Variants in RARB observed in about 807,000 individuals in gnomAD.
RARB encodes the protein HBV-activated protein.
A neutral mutation model predicts 51.9 loss-of-function variants in RARB; 17 were observed. The ratio of observed to expected loss-of-function variants is 0.33; its 90% confidence interval spans 0.22 to 0.49. The LOEUF is 0.49. RARB is among the 20% of genes least tolerant of loss of function. RARB has a pLI of 0.99. For synonymous variants in RARB, 215 were observed against 195.4 expected (o/e 1.10, Z -0.84); for missense variants, 369 against 550.8 (o/e 0.67, Z 3.30).
chr3:25,302,041 G>C (rs538257657), intron 5 of RARB, among the ~76,000 whole-genome samples: 1 of 152,282 alleles, frequency 6.6e-6, no homozygotes, highest in East Asian at 1.9e-4. Flanking sequence ...TTAATGCCAA[G>C]AAGAATAAAT....
At chr3:25,080,888 A>G (rs930902364) in intron 3 of RARB, among the ~76,000 whole-genome samples, 4 of 152,126 alleles carry the variant, frequency 2.6e-5, no homozygotes, top group African/African-American at 9.6e-5. Context: ...ATGAAATCCA[A>G]TATACCTATT....
Position 25,315,149 on chromosome 3 carries a change from C to T in RARB, c.178+140574C>T, listed in dbSNP as rs376689887. Among the ~76,000 whole-genome samples, 41 of 152,134 alleles carry T rather than the reference C, an allele frequency of 2.7e-4. No homozygotes were observed. In the South Asian group the frequency reaches 6.6e-3, roughly 25 times the overall value. ...GAATGTGGAAAAATTCTTAAGAGTA[C>T]GGGGCAGCTCTCTGTCTATAGGCTC... On this transcript the variant is annotated intron_variant, in intron 5 of 11. Coordinates refer to the RARB transcript ENST00000383772.
intron 2 of RARB, among the ~76,000 whole-genome samples, chr3:24,913,399 TCTC>T (rs1349980126): frequency 2.3e-5 from 3 of 131,500 alleles, no homozygotes; most frequent in Non-Finnish European, 3.2e-5. Flanking sequence ...TCTCTCTCTC[TCTC>T]TTTTTTTTTT....
intron 4 of RARB, among the ~76,000 whole-genome samples, chr3:25,580,242 C>T (rs996415710): frequency 6.6e-6 from 1 of 152,204 alleles, no homozygotes; most frequent in African/African-American, 2.4e-5. Context: ...GGCATGGTGG[C>T]ACACGCCTGT....
At chr3:24,887,640 A>T (rs1344663316) in intron 2 of RARB, among the ~76,000 whole-genome samples, 3 of 152,216 alleles carry the variant, frequency 2.0e-5, no homozygotes, top group Non-Finnish European at 4.4e-5. Flanking sequence ...ATAATCTAAC[A>T]ACTCTCACAG....
intron 5 of RARB, among the ~76,000 whole-genome samples, chr3:25,312,181 A>G (rs1001569753): frequency 5.3e-5 from 8 of 152,102 alleles, no homozygotes; most frequent in African/African-American, 1.9e-4. Flanking sequence ...TTAATGTGTT[A>G]TTTTCTATAA....
At chr3:25,165,985 G>T (rs1700554417) in intron 4 of RARB, among the ~76,000 whole-genome samples, 1 of 151,586 alleles carries the variant, frequency 6.6e-6, no homozygotes, top group Non-Finnish European at 1.5e-5. Context: ...TTCTTTCTAA[G>T]CTTCTTAAAA....
chr3:25,127,098 C>T (rs1415840266), intron 3 of RARB, among the ~76,000 whole-genome samples: 1 of 152,098 alleles, frequency 6.6e-6, no homozygotes, highest in Non-Finnish European at 1.5e-5. Context: ...AACTTACCTC[C>T]TACCTGTACT....
intron 3 of RARB, among the ~76,000 whole-genome samples, chr3:25,548,411 G>A (rs1195249933): frequency 6.6e-6 from 1 of 151,882 alleles, no homozygotes; most frequent in Non-Finnish European, 1.5e-5. Context: ...CTCTATTCAA[G>A]GTTATAATAG....
At chr3:25,010,320 T>C (rs1697367372) in intron 2 of RARB, among the ~76,000 whole-genome samples, 1 of 152,142 alleles carries the variant, frequency 6.6e-6, no homozygotes, top group African/African-American at 2.4e-5. Flanking sequence ...ATAAGAATTT[T>C]TAAATAAACT....
At chr3:25,038,853 G>A (rs1290062969) in intron 2 of RARB, among the ~76,000 whole-genome samples, 3 of 152,144 alleles carry the variant, frequency 2.0e-5, no homozygotes, top group Non-Finnish European at 4.4e-5. Flanking sequence ...GAAAAGACAA[G>A]GAGGCATAAA....
intron 2 of RARB, among the ~76,000 whole-genome samples, chr3:24,937,470 C>T (rs959951177): frequency 1.3e-5 from 2 of 152,116 alleles, no homozygotes; most frequent in African/African-American, 4.8e-5. Flanking sequence ...GCAACGCTTC[C>T]CCACCCACAT....
At chr3:25,044,173 G>A (rs1265418940) in intron 2 of RARB, among the ~76,000 whole-genome samples, 1 of 151,896 alleles carries the variant, frequency 6.6e-6, no homozygotes, top group Non-Finnish European at 1.5e-5. Context: ...CCTCTTTTTT[G>A]AACAAAATTA....
In RARB at chr3:25,339,496, CTG is replaced by C. The variant is rs1471232080; in HGVS notation, c.179-121696_179-121695del. ...CCACCACGTGGCTGCGCGGGAGTCT[CTG>C]AGTCTACTCTGACTCAGGAGGCTGC... On this transcript the variant is annotated intron_variant, in intron 5 of 11. Coordinates refer to the RARB transcript ENST00000383772. 3.3e-5 allele frequency among the ~76,000 whole-genome samples: 5 copies of C among 152,210 alleles called. No homozygotes were observed. The East Asian group carries it at 9.6e-4, about 29-fold the overall frequency.
chr3:25,289,745 T>C (rs1703742211), intron 5 of RARB, among the ~76,000 whole-genome samples: 2 of 152,158 alleles, frequency 1.3e-5, no homozygotes. Flanking sequence ...GAAGGATTTT[T>C]TTTCTATCTG....
intron 2 of RARB, among the ~76,000 whole-genome samples, chr3:25,009,962 T>C (rs946274154): frequency 6.6e-6 from 1 of 152,128 alleles, no homozygotes; most frequent in African/African-American, 2.4e-5. Flanking sequence ...TTTCTTATTT[T>C]ATAAAAGCCA....
chr3:25,217,516 T>C (rs981922233), intron 5 of RARB, among the ~76,000 whole-genome samples: 4 of 151,616 alleles, frequency 2.6e-5, no homozygotes, highest in African/African-American at 9.7e-5. Context: ...ATTCTGATCC[T>C]TGAAAGTTGT....
chr3:25,377,024 T>C (rs1443240237), intron 5 of RARB, among the ~76,000 whole-genome samples: 1 of 152,106 alleles, frequency 6.6e-6, no homozygotes, highest in Non-Finnish European at 1.5e-5. Context: ...TTAGTTTGTT[T>C]GTTTGTTTGT....
intron 2 of RARB, among the ~76,000 whole-genome samples, chr3:25,479,204 G>A (rs578118456): frequency 1.3e-5 from 2 of 152,042 alleles, no homozygotes; most frequent in African/African-American, 4.8e-5. Flanking sequence ...GAAGTACAGT[G>A]TGTCAAGGGA....
Sources: gnomAD v4.1 joint callset for allele counts (sites outside exome capture counted in the v4.1 genomes callset) on GRCh38, gnomAD v4.1.1 for gene constraint, MANE v1.5 for transcripts, NCBI Gene and HGNC (gene_info 2026-07-23, HGNC 2026-07-21) for gene names.